The following PREX2 variants were observed in gnomAD, a reference collection of about 807,000 sequenced individuals.
The protein encoded by PREX2 is phosphatidylinositol-3,4,5-trisphosphate dependent Rac exchange factor 2.
In PREX2, 107 loss-of-function variants were observed where a neutral mutation model predicts 203.2. That is an observed-to-expected ratio of 0.53 (90% confidence interval 0.45 to 0.62). PREX2 has a LOEUF of 0.62. Ranked by LOEUF, PREX2 falls within the 20% of genes least tolerant of loss-of-function variation. The pLI is 0.00. For synonymous variants in PREX2, 672 were observed against 663.6 expected (o/e 1.01, Z -0.19); for missense variants, 1,777 against 1,955.9 (o/e 0.91, Z 1.72).
intron 1 of PREX2, among the ~76,000 whole-genome samples, chr8:67,982,247 G>C (rs1471262798): frequency 6.6e-6 from 1 of 151,958 alleles, no homozygotes; most frequent in Non-Finnish European, 1.5e-5. Context: ...AACATGGTGA[G>C]ACCCTGTCTC....
At chr8:68,178,378 T>C (rs999815497) in intron 35 of PREX2, among the ~76,000 whole-genome samples, 1 of 152,180 alleles carries the variant, frequency 6.6e-6, no homozygotes, top group Non-Finnish European at 1.5e-5. Flanking sequence ...TGATCAGTGA[T>C]GTTGAGCTTT....
chr8:68,044,817 G>A (rs1808302799), intron 8 of PREX2, among the ~76,000 whole-genome samples: 1 of 152,060 alleles, frequency 6.6e-6, no homozygotes, highest in Non-Finnish European at 1.5e-5. Context: ...ATGAAACACA[G>A]ATACAGAGAA....
In PREX2 at chr8:68,146,285, T is replaced by G. The variant is rs774338741; in HGVS notation, c.4164T>G (p.Phe1388Leu). 80 of 1,612,852 alleles carry G rather than the reference T, an allele frequency of 5.0e-5. No homozygotes were observed. Among genetic ancestry groups the G allele is most frequent in the Non-Finnish European group, 6.2e-5 (73 of 1,179,404 alleles). The change falls in exon 34 of 40, where the codon TTT becomes TTG. Residue 1388 changes from phenylalanine to leucine, a missense_variant. Physicochemically the swap from Phe to Leu is conservative, Grantham distance 22 (BLOSUM62 0). Coordinates refer to ENST00000288368, the MANE Select transcript of PREX2 (RefSeq NM_024870.4). ...KVYFYIDSYH[F>L]EQLPQRLKNG... Reference sequence around the variant, plus strand: ...ACTTCTACATTGATAGTTATCATTTTGAACAACTTCCTCAACGGCTGAAAA... The same window carrying G: ...ACTTCTACATTGATAGTTATCATTTGGAACAACTTCCTCAACGGCTGAAAA...
intron 1 of PREX2, among the ~76,000 whole-genome samples, chr8:67,970,771 G>A (rs1805903991): frequency 6.6e-6 from 1 of 152,218 alleles, no homozygotes; most frequent in Non-Finnish European, 1.5e-5. Context: ...TGCATGTCAG[G>A]AGGCTTGAGG....
intron 26 of PREX2, among the ~76,000 whole-genome samples, chr8:68,117,424 G>C (rs1168681472): frequency 6.6e-6 from 1 of 152,166 alleles, no homozygotes; most frequent in Non-Finnish European, 1.5e-5. Flanking sequence ...TAATAGATCA[G>C]ACAGATTAAC....
intron 18 of PREX2, among the ~76,000 whole-genome samples, chr8:68,084,226 ATTT>A (rs990180045): frequency 1.3e-5 from 2 of 152,110 alleles, no homozygotes; most frequent in African/African-American, 4.8e-5. Flanking sequence ...TGTACAAACT[ATTT>A]AGCATAATAT....
At chr8:68,095,535 ATATGTG>A (rs1563542623) in intron 21 of PREX2, among the ~76,000 whole-genome samples, 1 of 141,872 alleles carries the variant, frequency 7.0e-6, no homozygotes, top group African/African-American at 2.8e-5. Context: ...ATACATACAT[ATATGTG>A]TGTGTGTGTG....
At chr8:68,164,886 C>CTTTTTTT (rs71554623) in intron 35 of PREX2, among the ~76,000 whole-genome samples, 2 of 133,788 alleles carry the variant, frequency 1.5e-5, no homozygotes, top group Non-Finnish European at 3.1e-5. Context: ...CCGGCCAAAC[C>CTTTTTTT]TTTTTTTTTT....
chr8:68,125,190 G>C (rs2129613205), intron 30 of PREX2, among the ~76,000 whole-genome samples: 1 of 152,200 alleles, frequency 6.6e-6, no homozygotes, highest in African/African-American at 2.4e-5. Context: ...AACTTTGCTA[G>C]TTCAGCATGA....
At chr8:68,060,023 A>G (rs948079688) in intron 10 of PREX2, among the ~76,000 whole-genome samples, 1 of 152,218 alleles carries the variant, frequency 6.6e-6, no homozygotes, top group Non-Finnish European at 1.5e-5. Flanking sequence ...TAATTTACAT[A>G]TTTTAAAGTC....
chr8:68,196,209 A>G (rs573768190), intron 37 of PREX2, among the ~76,000 whole-genome samples: 1 of 151,960 alleles, frequency 6.6e-6, no homozygotes, highest in East Asian at 1.9e-4. Flanking sequence ...GCAGAGGAGT[A>G]GGCTGGACTC....
At chr8:68,047,496 TATATATATATACACATAC>T (rs1367211447) in intron 8 of PREX2, among the ~76,000 whole-genome samples, 1 of 75,762 alleles carries the variant, frequency 1.3e-5, no homozygotes, top group African/African-American at 9.0e-5. Context: ...TATATATATA[TATATATATATACACATAC>T]ATATATATAT....
intron 1 of PREX2, among the ~76,000 whole-genome samples, chr8:68,007,919 T>G (rs1807144814): frequency 6.6e-6 from 1 of 152,188 alleles, no homozygotes; most frequent in Non-Finnish European, 1.5e-5. Flanking sequence ...CTCAGTTACT[T>G]CACATATATT....
intron 25 of PREX2, among the ~76,000 whole-genome samples, chr8:68,114,802 C>A (rs185892212): frequency 6.6e-6 from 1 of 152,096 alleles, no homozygotes; most frequent in Non-Finnish European, 1.5e-5. Flanking sequence ...CCTGTTTGTA[C>A]GAGCAGGGAG....
chr8:68,182,054 A>G (rs906417638), intron 35 of PREX2, among the ~76,000 whole-genome samples: 4 of 152,114 alleles, frequency 2.6e-5, no homozygotes, highest in Admixed American at 2.6e-4. Flanking sequence ...GTGGAAGATG[A>G]GTCTGGAAGA....
At chr8:67,960,797 T>G (rs1805613638) in intron 1 of PREX2, among the ~76,000 whole-genome samples, 1 of 152,020 alleles carries the variant, frequency 6.6e-6, no homozygotes, top group South Asian at 2.1e-4. Context: ...CGTAATGATT[T>G]GGACACACAC....
chr8:68,069,310 T>C (rs912190652), intron 12 of PREX2, among the ~76,000 whole-genome samples, 174 bp downstream of exon 12: 4 of 151,968 alleles, frequency 2.6e-5, no homozygotes, highest in African/African-American at 7.2e-5. Context: ...TAACGTTCAA[T>C]TGTTTTCTCA....
chr8:67,973,418 C>G (rs1805982133), intron 1 of PREX2, among the ~76,000 whole-genome samples: 2 of 152,138 alleles, frequency 1.3e-5, no homozygotes, highest in Non-Finnish European at 2.9e-5. Context: ...CTCAAGTGAT[C>G]CATCAAACAT....
intron 35 of PREX2, among the ~76,000 whole-genome samples, chr8:68,189,502 A>C (rs1352306620): frequency 6.6e-6 from 1 of 152,214 alleles, no homozygotes; most frequent in East Asian, 1.9e-4. Context: ...ATACTGGGGA[A>C]AATCTTGAAA....
Sources: gnomAD v4.1 joint callset for allele counts (sites outside exome capture counted in the v4.1 genomes callset) on GRCh38, gnomAD v4.1.1 for gene constraint, MANE v1.5 for transcripts, NCBI Gene and HGNC (gene_info 2026-07-23, HGNC 2026-07-21) for gene names.